Variants in TFAP2A observed in about 807,000 individuals in gnomAD.
The protein encoded by TFAP2A is transcription factor AP-2 alpha, also known as transcription factor AP-2-alpha.
TFAP2A carries 7 observed loss-of-function variants against 41.5 expected under a neutral mutation model. The observed-to-expected ratio is 0.17, with a 90% confidence interval of 0.10 to 0.32. TFAP2A has a LOEUF of 0.32. Ranked by LOEUF, TFAP2A falls within the 10% of genes least tolerant of loss-of-function variation. TFAP2A has a pLI of 1.00. For missense variants in TFAP2A, 416 were observed against 563.3 expected, an observed-to-expected ratio of 0.74 and a Z score of 2.65; for synonymous variants, 247 against 242.8, an observed-to-expected ratio of 1.02 and a Z score of -0.16.
intron 1 of TFAP2A, chr6:10,412,157 G>T: frequency 1.0e-6 from 1 of 989,654 alleles, no homozygotes; most frequent in Non-Finnish European, 1.2e-6. Context: ...GAGTCTCAGT[G>T]TAGCAAATCG....
chr6:10,414,786 C>T (rs1044289577), intron 1 of TFAP2A, 155 bp downstream of exon 1: 2 of 1,000,566 alleles, frequency 2.0e-6, no homozygotes, highest in Non-Finnish European at 3.1e-6. Context: ...GCTTCTCCCC[C>T]GCGTTCTTCG....
intron 4 of TFAP2A, 51 bp downstream of exon 4, chr6:10,404,457 G>T (rs1357250721): frequency 3.6e-6 from 5 of 1,380,548 alleles, no homozygotes; most frequent in Non-Finnish European, 2.9e-6. Flanking sequence ...CGCAAGCGCA[G>T]TGGTTCCCCC....
upstream of TFAP2A, chr6:10,415,110 G>A: frequency 1.3e-6 from 2 of 1,596,978 alleles, no homozygotes; most frequent in Non-Finnish European, 8.5e-7. Flanking sequence ...GGAGGGAGAG[G>A]AGGTGGAGGA....
Position 10,410,258 on chromosome 6 carries a change from G to T in TFAP2A, c.129C>A (p.Ser43Arg). 1 of 1,612,926 alleles carries T rather than the reference G, an allele frequency of 6.2e-7. No homozygotes were observed. The highest frequency in any genetic ancestry group is 8.5e-7 in the Non-Finnish European group (1 of 1,179,574). The change falls in exon 2 of 7, where the codon AGC (serine) becomes AGA (arginine). Residue 43 changes from serine (S) to arginine (R), a missense_variant. This residue lies in a region of TFAP2A where 241 missense variants were observed against 274.1 expected (regional missense o/e 0.88). Transcript: ENST00000379613. ...TGGGGGTGTGGGACAGCGGCGGGGCGCTCGTGTAGGGAGATTGACCTACAG... is the reference window on the plus strand; with the variant it reads ...TGGGGGTGTGGGACAGCGGCGGGGCTCTCGTGTAGGGAGATTGACCTACAG... ...LGTVGQSPYT[S>R]APPLSHTPNA...
upstream of TFAP2A, chr6:10,418,718 G>A (rs1481701497): frequency 6.6e-6 from 1 of 152,624 alleles, no homozygotes; most frequent in Admixed American, 6.5e-5. Context: ...CGTTGGTTTT[G>A]GCAAATTCAC....
At chr6:10,404,968 G>A in intron 3 of TFAP2A, 1 of 593,238 alleles carries the variant, frequency 1.7e-6, no homozygotes, top group South Asian at 2.0e-5. Flanking sequence ...CCCCCAGCCA[G>A]CCTGGCCTGC....
chr6:10,412,676 C>T (rs1481708455), intron 1 of TFAP2A: 4 of 342,634 alleles, frequency 1.2e-5, no homozygotes, highest in Admixed American at 3.5e-5. Context: ...GTGGGGCTCT[C>T]GGCGCGGCAG....
chr6:10,414,275 C>T (rs1240731581), intron 1 of TFAP2A, among the ~76,000 whole-genome samples: 1 of 152,194 alleles, frequency 6.6e-6, no homozygotes, highest in Non-Finnish European at 1.5e-5. Flanking sequence ...GATCCTGTAG[C>T]TCAGAGGGAG....
At position 10,398,132 on chromosome 6, in the gene TFAP2A, C is replaced by T; in HGVS notation, c.*285G>A. 1 of 1,344,484 alleles carries T rather than the reference C, an allele frequency of 7.4e-7. No individual in the cohort carries two copies. Among genetic ancestry groups the T allele is most frequent in the Non-Finnish European group, 9.5e-7 (1 of 1,050,006 alleles). The allele number at this position is 1,344,484 out of a possible 1,614,324, so 83.3% of individuals were successfully genotyped here. ...TGGCAGAACTTTTCTCTGCTGGCTT[C>T]ACGGCCTGTTCTGTTCTCTTAGGCT... On this transcript the variant is annotated 3_prime_UTR_variant, in exon 7 of 7. Coordinates refer to ENST00000379613, the MANE Select transcript of TFAP2A (RefSeq NM_001372066.1). The surrounding 1 kb of genome is among the most constrained non-coding windows in gnomAD (Gnocchi z 5.3).
In TFAP2A at chr6:10,398,830, C is replaced by A; in HGVS notation, c.1032-125G>T. On this transcript the variant is annotated intron_variant, in intron 6 of 6. Transcript: ENST00000379613. The surrounding 1 kb of genome is among the most constrained non-coding windows in gnomAD (Gnocchi z 5.3). ...GATCCAGCCGGTACCTGACATGACC[C>A]AAGACCCCAGAGACAGACAGTGTGG... is the stretch of plus-strand genomic sequence containing the variant. 2.6e-6 allele frequency: 3 copies of A among 1,138,870 alleles called. No homozygotes were observed. The highest frequency in any genetic ancestry group is 1.5e-5 in the South Asian group (1 of 67,446). The allele number at this position is 1,138,870 out of a possible 1,614,324, so 70.5% of individuals were successfully genotyped here. A position where few individuals can be genotyped will look rare whatever the true frequency, so the allele number is the denominator to read the frequency against.
chr6:10,403,110 C>A (rs1757492109), intron 4 of TFAP2A, among the ~76,000 whole-genome samples: 1 of 152,264 alleles, frequency 6.6e-6, no homozygotes. Context: ...TGTTTACGTG[C>A]CATGTCACCA....
intron 2 of TFAP2A, among the ~76,000 whole-genome samples, chr6:10,408,151 T>G (rs1261608561): frequency 6.6e-6 from 1 of 152,254 alleles, no homozygotes; most frequent in Non-Finnish European, 1.5e-5. Flanking sequence ...CTTAAATATT[T>G]AGCAGTTATA....
chr6:10,400,660 C>T lies in TFAP2A; in HGVS notation c.890-71G>A, dbSNP rs2114003261. 1.9e-6 allele frequency: 3 copies of T among 1,547,512 alleles called. No individual in the cohort carries two copies. The East Asian group carries it at 6.7e-5, about 35-fold the overall frequency. On this transcript the variant is annotated intron_variant, in intron 5 of 6. Coordinates refer to ENST00000379613, the MANE Select transcript of TFAP2A (RefSeq NM_001372066.1). ...TGGGGATCCTAACTTCCTCCCCACTCCCAACTCCCTAATTCCCTTCACCCC... is the reference window on the plus strand; with the variant it reads ...TGGGGATCCTAACTTCCTCCCCACTTCCAACTCCCTAATTCCCTTCACCCC...
intron 2 of TFAP2A, among the ~76,000 whole-genome samples, chr6:10,408,819 A>G (rs2113198201): frequency 6.6e-6 from 1 of 152,372 alleles, no homozygotes; most frequent in African/African-American, 2.4e-5. Context: ...GCAAGGAGGT[A>G]AGTTCATCTG....
intron 1 of TFAP2A, 56 bp downstream of exon 1, chr6:10,414,885 A>T (rs1758177651): frequency 6.2e-7 from 1 of 1,604,366 alleles, no homozygotes; most frequent in African/African-American, 1.3e-5. Flanking sequence ...GAGGAGAGGG[A>T]GGGTCAAGCT....
Position 10,398,364 on chromosome 6 carries a change from T to A in TFAP2A, c.*53A>T. 1 of 1,128,920 alleles carries A rather than the reference T, an allele frequency of 8.9e-7. No homozygotes were observed. The highest frequency in any genetic ancestry group is 3.6e-5 in the African/African-American group (1 of 27,910). 69.9% of individuals were successfully genotyped at this position (1,128,920 alleles called of 1,614,324 possible). The stretch of plus-strand genomic sequence containing the variant: ...CCCGGAGCTGTCACCCGCCGGAGGG[T>A]GGGCGCGCGGGGGGCTGGTGAGGCG... On this transcript the variant is annotated 3_prime_UTR_variant, in exon 7 of 7. Transcript: ENST00000379613. This position sits in a 1 kb window ranked among gnomAD's most constrained non-coding sequence, Gnocchi z 5.3.
At chr6:10,408,906 T>C (rs1757830515) in intron 2 of TFAP2A, among the ~76,000 whole-genome samples, 1 of 152,268 alleles carries the variant, frequency 6.6e-6, no homozygotes, top group Non-Finnish European at 1.5e-5. Context: ...GATGCAGTAA[T>C]TTGAAATAGC....
In TFAP2A at chr6:10,409,954, C is replaced by G. The variant is rs1757882119; in HGVS notation, c.433G>C (p.Gly145Arg). The G allele has an allele frequency of 6.4e-7, 1 of 1,569,526 alleles. No homozygotes were observed. ...LLHGPHALSS[G>R]LGDLSIHSLP... ...GAGTGGATCGAGAGGTCTCCGAGTCCTGAGCTGAGCGCGTGTGGGCCGTGC... is the reference window on the plus strand; with the variant it reads ...GAGTGGATCGAGAGGTCTCCGAGTCGTGAGCTGAGCGCGTGTGGGCCGTGC... Residue 145 changes from glycine to arginine, a missense_variant, in exon 2 of 7, where the codon GGA becomes CGA. By Grantham distance (125) the Gly-to-Arg change is moderately radical (BLOSUM62 -2). Coordinates refer to ENST00000379613, the MANE Select transcript of TFAP2A (RefSeq NM_001372066.1).
intron 1 of TFAP2A, 98 bp downstream of exon 1, chr6:10,414,843 C>T (rs557121271): frequency 6.5e-7 from 1 of 1,536,766 alleles, no homozygotes; most frequent in African/African-American, 1.4e-5. Context: ...TTTGTCCCAC[C>T]CGCGTTTCGC....
Sources: allele counts gnomAD v4.1 joint callset (sites outside exome capture counted in the v4.1 genomes callset), GRCh38; gene constraint gnomAD v4.1.1; regional missense constraint gnomAD v4.1.1; non-coding constraint Gnocchi (gnomAD v3.1); transcripts MANE v1.5; gene names NCBI Gene and HGNC (gene_info 2026-07-23, HGNC 2026-07-21).